FTCDNL1: variants seen among roughly 807,000 people sequenced by gnomAD.
The protein encoded by FTCDNL1 is formiminotransferase cyclodeaminase N-terminal like.
Under a neutral mutation model 5.9 loss-of-function variants are expected in FTCDNL1, and 11 were observed. That is an observed-to-expected ratio of 1.87 (90% CI 1.18 to 3.10). The LOEUF is 3.10. Ranked by LOEUF, FTCDNL1 falls within the 30% of genes most tolerant of loss-of-function variation. The probability of loss-of-function intolerance (pLI) is 0.00; values close to 1 mark genes in which losing one functional copy is unlikely to be tolerated. For synonymous variants in FTCDNL1, 58 were observed against 24.8 expected, an observed-to-expected ratio of 2.34 and a Z score of -3.99; for missense variants, 115 against 65.5, an observed-to-expected ratio of 1.76 and a Z score of -2.61.
At position 199,763,893 on chromosome 2, in the gene FTCDNL1, G is replaced by A. The variant is rs62178286; in HGVS notation, c.212-3058C>T. On this transcript the variant is annotated intron_variant, in intron 3 of 3. Coordinates refer to the FTCDNL1 transcript ENST00000416668. The stretch of plus-strand genomic sequence containing the variant: ...GTCTTGCTCCGTCACACAGGCTGGA[G>A]TGAAGTGGCACAATCTTGGCTCACT... Among the ~76,000 whole-genome samples, 936 of 152,276 alleles carry A rather than the reference G, an allele frequency of 6.1e-3. 2 individuals are homozygous for A. The highest frequency in any genetic ancestry group is 9.0e-3 in the Non-Finnish European group (609 of 68,024).
chr2:199,752,680 T>A, the FTCDNL1 span, among the ~76,000 whole-genome samples: 1 of 152,004 alleles, frequency 6.6e-6, no homozygotes, highest in African/African-American at 2.4e-5. Flanking sequence ...AAAATTAATG[T>A]CTCTGTCTCT....
At chr2:199,689,735 C>A in the FTCDNL1 span, among the ~76,000 whole-genome samples, 1 of 149,336 alleles carries the variant, frequency 6.7e-6, no homozygotes, top group African/African-American at 2.5e-5. Context: ...CGCTTAAACC[C>A]AGGAGGCAGA....
At chr2:199,709,367 C>G in the FTCDNL1 span, among the ~76,000 whole-genome samples, 28 of 152,208 alleles carry the variant, frequency 1.8e-4, no homozygotes, top group South Asian at 4.6e-3. Flanking sequence ...GCAGCCAGTC[C>G]TAGCCAATAA....
At chr2:199,709,869 G>T in the FTCDNL1 span, among the ~76,000 whole-genome samples, 2 of 151,280 alleles carry the variant, frequency 1.3e-5, no homozygotes, top group East Asian at 3.9e-4. Flanking sequence ...AGTAAGAGGT[G>T]CCAATATTGT....
chr2:199,809,882 T>C lies in FTCDNL1; in HGVS notation c.*2823A>G, dbSNP rs1425048616. On this transcript the variant is annotated 3_prime_UTR_variant, in exon 5 of 5. Transcript: ENST00000420128. The stretch of plus-strand genomic sequence containing the variant: ...TATATTTTGTAACCCTCTCATTTTT[T>C]AGTCACTTAGTACCTGATTTTTTTT... Among the ~76,000 whole-genome samples the C allele has an allele frequency of 7.1e-6, 1 of 140,392 alleles. No individual in the cohort carries two copies. Among genetic ancestry groups the C allele is most frequent in the Non-Finnish European group, 1.5e-5 (1 of 65,852 alleles). 92.1% of individuals were successfully genotyped at this position (140,392 alleles called of 152,430 possible).
intron 3 of FTCDNL1, among the ~76,000 whole-genome samples, chr2:199,789,254 C>G (rs1699805610): frequency 6.6e-6 from 1 of 152,006 alleles, no homozygotes; most frequent in African/African-American, 2.4e-5. Flanking sequence ...AAAACATCAG[C>G]AAAATCCCAA....
intron 3 of FTCDNL1, among the ~76,000 whole-genome samples, chr2:199,784,772 G>A (rs1254508014): frequency 6.6e-6 from 1 of 152,066 alleles, no homozygotes; most frequent in East Asian, 1.9e-4. Flanking sequence ...CTCCGGCTGG[G>A]GACAGTTCCT....
At chr2:199,719,773 T>G in the FTCDNL1 span, among the ~76,000 whole-genome samples, 2 of 152,116 alleles carry the variant, frequency 1.3e-5, no homozygotes, top group African/African-American at 4.8e-5. Context: ...TAGCTGGGAC[T>G]ACAGCTATGC....
At chr2:199,732,603 T>C in the FTCDNL1 span, among the ~76,000 whole-genome samples, 28 of 151,662 alleles carry the variant, frequency 1.8e-4, no homozygotes, top group African/African-American at 6.5e-4. Flanking sequence ...CATAAAAAGA[T>C]CTCCAGGACA....
chr2:199,779,588 A>G (rs1329615199), intron 3 of FTCDNL1, among the ~76,000 whole-genome samples: 4 of 152,208 alleles, frequency 2.6e-5, no homozygotes, highest in Admixed American at 1.3e-4. Flanking sequence ...ACACTCTTAG[A>G]GGAGAGAACC....
the FTCDNL1 span, among the ~76,000 whole-genome samples, chr2:199,735,555 C>T: frequency 6.6e-5 from 10 of 152,006 alleles, no homozygotes; most frequent in South Asian, 2.1e-3. Context: ...TTTCCCTAGA[C>T]ATATCTTTAG....
chr2:199,837,730 T>A (rs530037337), intron 3 of FTCDNL1, among the ~76,000 whole-genome samples: 19 of 152,268 alleles, frequency 1.2e-4, no homozygotes, highest in East Asian at 3.9e-4. Flanking sequence ...TATATTTTTT[T>A]AAAAAAATCA....
intron 2 of FTCDNL1, among the ~76,000 whole-genome samples, chr2:199,848,010 A>G (rs1007380735): frequency 4.6e-5 from 7 of 152,252 alleles, no homozygotes; most frequent in African/African-American, 1.7e-4. Flanking sequence ...CACATTAAAA[A>G]TGACAATCGG....
At chr2:199,772,900 T>C (rs974627072) in intron 3 of FTCDNL1, among the ~76,000 whole-genome samples, 1 of 152,330 alleles carries the variant, frequency 6.6e-6, no homozygotes, top group East Asian at 1.9e-4. Flanking sequence ...AATAATTAGC[T>C]GTGTTCATTG....
chr2:199,709,908 G>T, the FTCDNL1 span, among the ~76,000 whole-genome samples: 1 of 151,588 alleles, frequency 6.6e-6, no homozygotes, highest in South Asian at 2.1e-4. Flanking sequence ...GCCATAATTT[G>T]TCCCATTCAT....
chr2:199,673,148 T>G, the FTCDNL1 span, among the ~76,000 whole-genome samples: 1 of 151,890 alleles, frequency 6.6e-6, no homozygotes, highest in East Asian at 2.0e-4. Context: ...GTCAACATGG[T>G]GAAACCCCGT....
chr2:199,841,328 A>C (rs1329541336), intron 3 of FTCDNL1, among the ~76,000 whole-genome samples: 1 of 151,992 alleles, frequency 6.6e-6, no homozygotes, highest in Non-Finnish European at 1.5e-5. Flanking sequence ...CGGGGTTTGC[A>C]GTGAGCCGAG....
chr2:199,792,080 T>G (rs961355415), intron 3 of FTCDNL1, among the ~76,000 whole-genome samples: 8 of 152,094 alleles, frequency 5.3e-5, no homozygotes, highest in Non-Finnish European at 1.2e-4. Flanking sequence ...CATTCAATTT[T>G]ATGTGTAAAA....
the FTCDNL1 span, among the ~76,000 whole-genome samples, chr2:199,750,280 C>G: frequency 6.6e-6 from 1 of 151,762 alleles, no homozygotes; most frequent in Non-Finnish European, 1.5e-5. Context: ...ATTGCTAGAG[C>G]CTGAGAGGTG....
Sources: gnomAD v4.1 joint callset for allele counts (sites outside exome capture counted in the v4.1 genomes callset) on GRCh38, gnomAD v4.1.1 for gene constraint, MANE v1.5 for transcripts, NCBI Gene and HGNC (gene_info 2026-07-23, HGNC 2026-07-21) for gene names.